DCDC1: variants seen among roughly 807,000 people sequenced by gnomAD.
DCDC1 encodes doublecortin domain-containing protein 1.
In DCDC1, 200 loss-of-function variants were observed where a neutral mutation model predicts 178.3. The ratio of observed to expected loss-of-function variants is 1.12; its 90% confidence interval spans 1.00 to 1.26. The LOEUF is 1.26. DCDC1 is among the 50% of genes most tolerant of loss of function. The probability of loss-of-function intolerance (pLI) is 0.00; values close to 1 mark genes in which losing one functional copy is unlikely to be tolerated. For missense variants in DCDC1, 1,983 were observed against 1,749.2 expected, an observed-to-expected ratio of 1.13 and a Z score of -2.38; for synonymous variants, 690 against 604.8, an observed-to-expected ratio of 1.14 and a Z score of -2.07.
chr11:31,071,735 G>T (rs1956576072), intron 18 of DCDC1, among the ~76,000 whole-genome samples: 1 of 152,142 alleles, frequency 6.6e-6, no homozygotes, highest in African/African-American at 2.4e-5. Context: ...TCCGAGATGA[G>T]GTTATAAGGG....
rs367846355 is a variant in DCDC1, at chr11:30,931,904, T to C, written c.2764A>G (p.Met922Val). ...GTTGTCTTACAGATGGGTTTCTTCA[T>C]GGGAGGACTGCTCGGAACAAGCAGT... The part of the protein sequence containing the change: ...QGLLVPSSPP[M>V]KKPICKTTEP... Residue 922 changes from methionine to valine, a missense_variant, in exon 22 of 39, where the codon ATG becomes GTG. By Grantham distance (21) the Met-to-Val change is conservative. Transcript: ENST00000684477. 5 of 1,613,040 alleles carry C rather than the reference T, an allele frequency of 3.1e-6. No individual in the cohort carries two copies. In the South Asian group the frequency reaches 3.3e-5, roughly 11 times the overall value.
At chr11:30,866,930 C>A (rs1383886837) in intron 38 of DCDC1, among the ~76,000 whole-genome samples, 1 of 152,102 alleles carries the variant, frequency 6.6e-6, no homozygotes, top group Non-Finnish European at 1.5e-5. Flanking sequence ...GGTTTGCTTT[C>A]TCTTGCCCTT....
At chr11:31,188,953 A>G (rs67707190) in intron 9 of DCDC1, among the ~76,000 whole-genome samples, 33,700 of 152,006 alleles carry the variant, frequency 0.22, 4,734 homozygotes, top group East Asian at 0.39. Context: ...CTTTTATGAG[A>G]GACCTAAAGC....
intron 20 of DCDC1, among the ~76,000 whole-genome samples, chr11:30,974,879 G>A (rs887337462): frequency 4.6e-5 from 7 of 152,090 alleles, no homozygotes; most frequent in African/African-American, 1.7e-4. Context: ...TATAAGGCCA[G>A]TGTTACCTTA....
At chr11:30,930,979 T>C (rs1946890056) in intron 22 of DCDC1, among the ~76,000 whole-genome samples, 1 of 152,146 alleles carries the variant, frequency 6.6e-6, no homozygotes, top group Admixed American at 6.6e-5. Context: ...TTCAGCGATG[T>C]ATGAAGTATA....
chr11:30,899,539 A>T lies in DCDC1; in HGVS notation c.4765+2T>A, dbSNP rs1944501243. On this transcript the variant is annotated splice_donor_variant, in intron 34 of 38. Coordinates refer to ENST00000684477, the MANE Select transcript of DCDC1 (RefSeq NM_001387274.1). LOFTEE classifies it high-confidence loss of function. Reference sequence around the variant, plus strand: ...GTTATGCTTGATATAGTTCATACTGACCTTTTAACTGTCTCATTTTGTGTC... The same window carrying T: ...GTTATGCTTGATATAGTTCATACTGTCCTTTTAACTGTCTCATTTTGTGTC... The T allele has an allele frequency of 1.3e-6, 2 of 1,540,922 alleles. No individual in the cohort carries two copies. Among genetic ancestry groups the T allele is most frequent in the African/African-American group, 1.4e-5 (1 of 72,540 alleles).
At chr11:31,203,466 T>A (rs969143415) in intron 9 of DCDC1, among the ~76,000 whole-genome samples, 8 of 152,208 alleles carry the variant, frequency 5.3e-5, no homozygotes, top group Admixed American at 4.6e-4. Context: ...GAGACACCTA[T>A]ATAACGGCTG....
intron 3 of DCDC1, among the ~76,000 whole-genome samples, chr11:31,308,458 C>T (rs896544201): frequency 6.6e-6 from 1 of 152,074 alleles, no homozygotes; most frequent in African/African-American, 2.4e-5. Context: ...TCATTGAAGG[C>T]CATTTTAGAA....
chr11:31,129,156 T>C (rs572484745), intron 10 of DCDC1, among the ~76,000 whole-genome samples: 2 of 124,624 alleles, frequency 1.6e-5, no homozygotes, highest in East Asian at 3.4e-4. Context: ...CAGTGTGCAC[T>C]ATTACTCATA....
chr11:31,062,197 G>A (rs994571214), intron 20 of DCDC1, among the ~76,000 whole-genome samples: 30 of 152,068 alleles, frequency 2.0e-4, no homozygotes, highest in African/African-American at 6.8e-4. Flanking sequence ...GGATAAGGAT[G>A]AAAACCCAGG....
intron 7 of DCDC1, among the ~76,000 whole-genome samples, chr11:31,274,950 A>C (rs1945870347): frequency 6.6e-6 from 1 of 151,900 alleles, no homozygotes; most frequent in Admixed American, 6.6e-5. Context: ...CTGCCTGCTT[A>C]AGCCTCCCAA....
At chr11:31,017,124 C>T (rs1952528129) in intron 20 of DCDC1, among the ~76,000 whole-genome samples, 1 of 152,020 alleles carries the variant, frequency 6.6e-6, no homozygotes, top group African/African-American at 2.4e-5. Flanking sequence ...ATACACAAAA[C>T]AGGAGAAGTA....
intron 7 of DCDC1, among the ~76,000 whole-genome samples, chr11:31,269,860 C>T (rs1178082604): frequency 2.0e-5 from 3 of 152,132 alleles, no homozygotes; most frequent in Admixed American, 6.5e-5. Context: ...CCAGACATAT[C>T]TATTATAGAG....
At chr11:31,138,574 T>C (rs1963440969) in intron 9 of DCDC1, among the ~76,000 whole-genome samples, 1 of 152,224 alleles carries the variant, frequency 6.6e-6, no homozygotes, top group Non-Finnish European at 1.5e-5. Flanking sequence ...GAATATTTAA[T>C]AATTCTTTAG....
chr11:31,346,295 A>G (rs1950807055), intron 1 of DCDC1, among the ~76,000 whole-genome samples: 1 of 151,900 alleles, frequency 6.6e-6, no homozygotes, highest in Admixed American at 6.6e-5. Flanking sequence ...CCCTGTCTCT[A>G]CTAAAAATAC....
At chr11:31,190,486 T>C (rs1358788289) in intron 9 of DCDC1, among the ~76,000 whole-genome samples, 1 of 152,164 alleles carries the variant, frequency 6.6e-6, no homozygotes, top group Non-Finnish European at 1.5e-5. Context: ...TTCAAGTAGT[T>C]CCCTATTAAT....
intron 20 of DCDC1, among the ~76,000 whole-genome samples, chr11:30,955,935 T>C (rs899474920): frequency 2.0e-5 from 3 of 152,202 alleles, no homozygotes; most frequent in African/African-American, 7.2e-5. Context: ...CAACCATGAA[T>C]GAAATTGCTA....
At chr11:31,336,994 T>C (rs954738207) in intron 1 of DCDC1, among the ~76,000 whole-genome samples, 2 of 152,210 alleles carry the variant, frequency 1.3e-5, no homozygotes, top group Admixed American at 6.5e-5. Context: ...TGGAGTACCA[T>C]ACCAACCCTG....
At chr11:30,880,847 T>C (rs1015405614) in intron 37 of DCDC1, among the ~76,000 whole-genome samples, 1 of 152,178 alleles carries the variant, frequency 6.6e-6, no homozygotes, top group African/African-American at 2.4e-5. Context: ...AGGAAATTAG[T>C]GGAGCTTCAC....
Sources: gnomAD v4.1 joint callset for allele counts (sites outside exome capture counted in the v4.1 genomes callset) on GRCh38, gnomAD v4.1.1 for gene constraint, MANE v1.5 for transcripts, NCBI Gene and HGNC (gene_info 2026-07-23, HGNC 2026-07-21) for gene names.